GSTA2: variants seen among roughly 807,000 people sequenced by gnomAD.
The protein encoded by GSTA2 is glutathione S-transferase A2.
In GSTA2, 27 loss-of-function variants were observed where a neutral mutation model predicts 22.4. The ratio of observed to expected loss-of-function variants is 1.21; its 90% CI spans 0.89 to 1.67. The LOEUF is 1.67. Among genes scored for constraint, GSTA2 ranks in the 40% most tolerant of loss-of-function variants. The probability of loss-of-function intolerance (pLI) is 0.00; values close to 1 mark genes in which losing one functional copy is unlikely to be tolerated. For missense variants in GSTA2, 302 were observed against 260.2 expected (o/e 1.16, Z -1.11); for synonymous variants, 121 against 86.8 (o/e 1.39, Z -2.19).
At chr6:52,761,675 A>G (rs1421089959) in intron 1 of GSTA2, among the ~76,000 whole-genome samples, 1 of 150,560 alleles carries the variant, frequency 6.6e-6, no homozygotes, top group African/African-American at 2.4e-5. Flanking sequence ...AGCCTTGCTT[A>G]GCCCCATGAG....
At chr6:52,750,750 A>C in intron 6 of GSTA2, 51 bp from the exon 7 acceptor site, 1 of 1,600,246 alleles carries the variant, frequency 6.2e-7, no homozygotes, top group Admixed American at 1.7e-5. Flanking sequence ...AAGGGCTGAC[A>C]CCCCCATTAA....
In GSTA2 at chr6:52,755,075, T is replaced by C; in HGVS notation, c.140A>G (p.Asp47Gly). The change falls in exon 4 of 7, where the codon GAT (aspartate) becomes GGT (glycine). Residue 47 changes from aspartate to glycine, a missense_variant and splice_region_variant. By Grantham distance (94) the Asp-to-Gly change is moderately conservative. Transcript: ENST00000493422. The stretch of plus-strand genomic sequence containing the variant: ...CACTTGCTGGAACATCAAATATCCA[T>C]CTTTAAGAGGAAGAAAAAAAAGGAG... ...SAEDLDKLRN[D>G]GYLMFQQVPM... 1 of 1,613,744 alleles carries C rather than the reference T, an allele frequency of 6.2e-7. No individual in the cohort carries two copies. Among genetic ancestry groups the C allele is most frequent in the Non-Finnish European group, 8.5e-7 (1 of 1,179,984 alleles).
chr6:52,754,805 A>G (rs1250934375), intron 4 of GSTA2, 138 bp downstream of exon 4: 3 of 1,100,692 alleles, frequency 2.7e-6, no homozygotes, highest in Non-Finnish European at 4.0e-6. Flanking sequence ...GGGACTCTGC[A>G]ATACTGGACC....
intron 3 of GSTA2, 73 bp from the exon 4 acceptor site, chr6:52,755,148 T>G (rs1213352818): frequency 1.3e-6 from 2 of 1,577,570 alleles, no homozygotes; most frequent in African/African-American, 2.7e-5. Flanking sequence ...AAAAAATGGT[T>G]GTTGAAATGA....
chr6:52,756,391 A>G (rs1762846517), intron 2 of GSTA2, 82 bp from the exon 3 acceptor site: 6 of 1,097,824 alleles, frequency 5.5e-6, no homozygotes, highest in Non-Finnish European at 8.3e-6. Flanking sequence ...TATCTGGTGC[A>G]TCATTTGGAG....
In GSTA2 at chr6:52,750,432, G is replaced by A; in HGVS notation, c.*145C>T. On this transcript the variant is annotated 3_prime_UTR_variant, in exon 7 of 7. Coordinates refer to ENST00000493422, the MANE Select transcript of GSTA2 (RefSeq NM_000846.5). ...TCAATTTTAACTAAGTGGGTGAATAGGAGTTGTATTATTTAATTAGCATAT... is the reference window on the plus strand; with the variant it reads ...TCAATTTTAACTAAGTGGGTGAATAAGAGTTGTATTATTTAATTAGCATAT... The A allele has an allele frequency of 1.4e-6, 1 of 691,872 alleles. No individual in the cohort carries two copies. The highest frequency in any genetic ancestry group is 2.3e-5 in the South Asian group (1 of 42,664). The allele number at this position is 691,872 out of a possible 1,614,324, so 42.9% of individuals were successfully genotyped here.
chr6:52,759,258 A>C (rs1762906256), intron 1 of GSTA2, among the ~76,000 whole-genome samples: 1 of 152,208 alleles, frequency 6.6e-6, no homozygotes, highest in African/African-American at 2.4e-5. Flanking sequence ...GACTGGGCTT[A>C]TCAGTGAAAT....
chr6:52,758,542 C>T (rs1561896893), intron 1 of GSTA2, among the ~76,000 whole-genome samples: 1 of 152,132 alleles, frequency 6.6e-6, no homozygotes, highest in Non-Finnish European at 1.5e-5. Flanking sequence ...CATGAACTGG[C>T]CATGAAACCA....
chr6:52,752,820 T>A (rs376417930), intron 5 of GSTA2, 34 bp downstream of exon 5: 2 of 1,612,600 alleles, frequency 1.2e-6, no homozygotes, highest in Non-Finnish European at 1.7e-6. Context: ...GCTTCTAAAC[T>A]CAGTTCCCCA....
intron 5 of GSTA2, 24 bp downstream of exon 5, chr6:52,752,830 A>C (rs776036844): frequency 5.1e-5 from 82 of 1,613,010 alleles, no homozygotes; most frequent in Admixed American, 1.2e-4. Flanking sequence ...TCAGTTCCCC[A>C]AAACACTGAA....
intron 3 of GSTA2, among the ~76,000 whole-genome samples, chr6:52,755,971 A>ATCCTGTGATGGGAT (rs1762834532): frequency 6.6e-6 from 1 of 152,108 alleles, no homozygotes; most frequent in African/African-American, 2.4e-5. Flanking sequence ...TGTGCTGATG[A>ATCCTGTGATGGGAT]CCACTGCTCA....
rs112774119 is a variant in GSTA2, at chr6:52,763,326, T to C, written c.-31+118A>G. 109 of 169,688 alleles carry C rather than the reference T, an allele frequency of 6.4e-4. 1 individual carries two copies. The highest frequency in any genetic ancestry group is 2.3e-3 in the African/African-American group (95 of 42,102). 10.5% of individuals were successfully genotyped at this position (169,688 alleles called of 1,614,324 possible). A position where few individuals can be genotyped will look rare whatever the true frequency, so the allele number is the denominator to read the frequency against. The stretch of plus-strand genomic sequence containing the variant: ...GTCACCCAAACACACCAAGATGGCA[T>C]GATATGAGTAAAAACAAACTTTTTC... On this transcript the variant is annotated intron_variant, in intron 1 of 6. Coordinates refer to ENST00000493422, the MANE Select transcript of GSTA2 (RefSeq NM_000846.5).
At position 52,754,996 on chromosome 6, in the gene GSTA2, G is replaced by A; in HGVS notation, c.219C>T (p.Asn73=). Residue 73 remains asparagine, a synonymous_variant, in exon 4 of 7, where the codon AAC becomes AAT. Transcript: ENST00000493422. ...AGAGGTTGTATTTGCTGGCAATGTAGTTGAGAATGGCTCTGGTCTGCACCA... is the reference window on the plus strand; with the variant it reads ...AGAGGTTGTATTTGCTGGCAATGTAATTGAGAATGGCTCTGGTCTGCACCA... The part of the protein sequence containing the change: ...MKLVQTRAIL[N]YIASKYNLYG... 1.2e-6 allele frequency: 2 copies of A among 1,614,092 alleles called. No homozygotes were observed. Among genetic ancestry groups the A allele is most frequent in the Middle Eastern group, 1.7e-4 (1 of 6,054 alleles).
chr6:52,755,505 C>G (rs1762824313), intron 3 of GSTA2, among the ~76,000 whole-genome samples: 1 of 152,134 alleles, frequency 6.6e-6, no homozygotes, highest in South Asian at 2.1e-4. Flanking sequence ...GCCACTGCAC[C>G]CAGTCCAAAC....
At chr6:52,761,228 A>G (rs1399208706) in intron 1 of GSTA2, among the ~76,000 whole-genome samples, 1 of 152,190 alleles carries the variant, frequency 6.6e-6, no homozygotes, top group African/African-American at 2.4e-5. Flanking sequence ...TGCTTGGAAG[A>G]TGGGTGAGGC....
chr6:52,762,021 G>A (rs745421114), intron 1 of GSTA2, among the ~76,000 whole-genome samples: 21 of 145,784 alleles, frequency 1.4e-4, no homozygotes, highest in Admixed American at 1.1e-3. Context: ...TGGATTTAGG[G>A]CTATGGAGGA....
chr6:52,755,119 C>T, intron 3 of GSTA2, 44 bp from the exon 4 acceptor site: 1 of 1,600,380 alleles, frequency 6.2e-7, no homozygotes, highest in Non-Finnish European at 8.5e-7. Context: ...GTCTATGAAA[C>T]CCACCATTTC....
rs140075572 is a variant in GSTA2, at chr6:52,751,646, G to T, written c.477C>A (p.His159Gln). ...CCACGTAGTAGAGAAGTTCCACCAG[G>T]TGAATGTCAGCCCGGCTCAGCTTGT... ...VGNKLSRADI[H>Q]LVELLYYVEE... The change falls in exon 6 of 7, where the codon CAC becomes CAA. Residue 159 changes from histidine (H) to glutamine (Q), a missense_variant. Physicochemically the swap from His to Gln is conservative, Grantham distance 24. Coordinates refer to ENST00000493422, the MANE Select transcript of GSTA2 (RefSeq NM_000846.5). The T allele has an allele frequency of 5.0e-6, 8 of 1,614,124 alleles. No individual in the cohort carries two copies. Among genetic ancestry groups the T allele is most frequent in the Non-Finnish European group, 6.8e-6 (8 of 1,179,996 alleles).
At chr6:52,756,156 A>C in intron 3 of GSTA2, 102 bp downstream of exon 3, 2 of 753,218 alleles carry the variant, frequency 2.7e-6, no homozygotes, top group Non-Finnish European at 4.7e-6. Context: ...CACCATGTAC[A>C]AATACCATGC....
Sources: gnomAD v4.1 joint callset for allele counts (sites outside exome capture counted in the v4.1 genomes callset) on GRCh38, gnomAD v4.1.1 for gene constraint, MANE v1.5 for transcripts, NCBI Gene and HGNC (gene_info 2026-07-23, HGNC 2026-07-21) for gene names.